ENTHD1: variants seen among roughly 807,000 people sequenced by gnomAD.
The protein encoded by ENTHD1 is ENTH domain-containing protein 1.
In ENTHD1, 23 loss-of-function variants were observed where a neutral mutation model predicts 39.1. The observed-to-expected ratio is 0.59, with a 90% confidence interval of 0.42 to 0.83. The LOEUF (loss-of-function observed/expected upper bound fraction) is 0.83, where lower values mean the gene tolerates loss of function less well. ENTHD1 is among the 40% of genes least tolerant of loss of function. ENTHD1 has a pLI of 0.00. For synonymous variants in ENTHD1, 230 were observed against 258.2 expected, an observed-to-expected ratio of 0.89 and a Z score of 1.05; for missense variants, 624 against 705.4, an observed-to-expected ratio of 0.88 and a Z score of 1.31.
In ENTHD1 at chr22:39,764,777, TTTTG is replaced by T. The variant is rs2065261644; in HGVS notation, c.1219+442_1219+445del. Reference sequence around the variant, plus strand: ...TAAAAAAGACAAGATCCCCTGCCCCTTTTGTGCAATCAGTACACAGCCCTTTTTA... The same window carrying T: ...TAAAAAAGACAAGATCCCCTGCCCCTTGCAATCAGTACACAGCCCTTTTTA... On this transcript the variant is annotated intron_variant, in intron 6 of 6. Coordinates refer to ENST00000325157, the MANE Select transcript of ENTHD1 (RefSeq NM_152512.4). Among the ~76,000 whole-genome samples, 3 of 151,512 alleles carry T rather than the reference TTTTG, an allele frequency of 2.0e-5. No individual in the cohort carries two copies. In the South Asian group the frequency reaches 6.2e-4, roughly 31 times the overall value.
chr22:39,765,176 T>G (rs1004418549), intron 6 of ENTHD1, 47 bp downstream of exon 6: 25 of 1,402,930 alleles, frequency 1.8e-5, no homozygotes, highest in Middle Eastern at 1.9e-4. Context: ...AGGTTTTTTG[T>G]TGTGTGTGTG....
At chr22:39,785,179 T>C (rs1341515728) in intron 5 of ENTHD1, among the ~76,000 whole-genome samples, 1 of 152,098 alleles carries the variant, frequency 6.6e-6, no homozygotes, top group Non-Finnish European at 1.5e-5. Flanking sequence ...CTCAAAGAGA[T>C]AGAAAATATG....
chr22:39,829,790 C>CAATAAATAAATAAATAAATAAATAAATA (rs10657076), intron 4 of ENTHD1, among the ~76,000 whole-genome samples: 1 of 143,332 alleles, frequency 7.0e-6, no homozygotes, highest in South Asian at 2.3e-4. Flanking sequence ...GACTCTGTCT[C>CAATAAATAAATAAATAAATAAATAAATA]AATAAATAAA....
intron 5 of ENTHD1, among the ~76,000 whole-genome samples, chr22:39,789,951 A>C (rs1468726111): frequency 3.9e-5 from 6 of 151,922 alleles, no homozygotes; most frequent in Non-Finnish European, 8.8e-5. Context: ...TGAGAGAGAA[A>C]ATCATGTGGA....
At chr22:39,779,525 A>G (rs1451858880) in intron 5 of ENTHD1, among the ~76,000 whole-genome samples, 1 of 152,064 alleles carries the variant, frequency 6.6e-6, no homozygotes. Flanking sequence ...GGAGTTATTT[A>G]GTCTGAAAGA....
chr22:39,828,847 T>C (rs1185407924), intron 4 of ENTHD1, among the ~76,000 whole-genome samples: 4 of 152,212 alleles, frequency 2.6e-5, no homozygotes, highest in Non-Finnish European at 4.4e-5. Context: ...TTAAAGTCTT[T>C]CCTTAGTTTC....
At chr22:39,865,228 C>T (rs2066173564) in intron 2 of ENTHD1, among the ~76,000 whole-genome samples, 2 of 151,964 alleles carry the variant, frequency 1.3e-5, no homozygotes, top group African/African-American at 4.8e-5. Context: ...AGGACTTCTC[C>T]CCAGATCATC....
At chr22:39,835,678 G>A (rs879856376) in intron 4 of ENTHD1, among the ~76,000 whole-genome samples, 162 bp downstream of exon 4, 6 of 152,104 alleles carry the variant, frequency 3.9e-5, no homozygotes, top group Non-Finnish European at 5.9e-5. Context: ...CACATCATCC[G>A]CTAGGGCCTC....
At chr22:39,879,514 A>G (rs1257098611) in intron 2 of ENTHD1, among the ~76,000 whole-genome samples, 3 of 150,806 alleles carry the variant, frequency 2.0e-5, no homozygotes, top group Non-Finnish European at 4.4e-5. Flanking sequence ...AAGTAAGCAT[A>G]TGAAAGATCC....
At chr22:39,862,382 T>C (rs1353763061) in intron 2 of ENTHD1, among the ~76,000 whole-genome samples, 1 of 151,718 alleles carries the variant, frequency 6.6e-6, no homozygotes, top group East Asian at 1.9e-4. Context: ...ACCTTGTCTC[T>C]ACTAAAATAC....
chr22:39,749,094 C>T (rs2065129033), intron 6 of ENTHD1, among the ~76,000 whole-genome samples: 1 of 152,128 alleles, frequency 6.6e-6, no homozygotes. Flanking sequence ...GATGCTTTTG[C>T]TTATAAAAAG....
At chr22:39,846,271 G>A (rs1323693532) in intron 3 of ENTHD1, among the ~76,000 whole-genome samples, 2 of 152,166 alleles carry the variant, frequency 1.3e-5, no homozygotes, top group African/African-American at 2.4e-5. Context: ...CGTGATCACA[G>A]CTCACTGCAG....
At chr22:39,837,856 A>G (rs1333261959) in intron 3 of ENTHD1, among the ~76,000 whole-genome samples, 1 of 152,244 alleles carries the variant, frequency 6.6e-6, no homozygotes, top group East Asian at 1.9e-4. Flanking sequence ...ATCTTAGGAA[A>G]GGATTCAGGA....
At chr22:39,850,779 C>A (rs2066029545) in intron 3 of ENTHD1, among the ~76,000 whole-genome samples, 1 of 152,138 alleles carries the variant, frequency 6.6e-6, no homozygotes, top group Admixed American at 6.5e-5. Flanking sequence ...CTTAAAAACA[C>A]AAGGACCTTT....
chr22:39,871,597 C>T (rs879451357), intron 2 of ENTHD1, among the ~76,000 whole-genome samples: 2 of 152,286 alleles, frequency 1.3e-5, no homozygotes, highest in Non-Finnish European at 2.9e-5. Context: ...ACTGAAAGGG[C>T]TAAACTGGTT....
At chr22:39,749,124 C>T (rs1308900736) in intron 6 of ENTHD1, among the ~76,000 whole-genome samples, 8 of 152,124 alleles carry the variant, frequency 5.3e-5, no homozygotes, top group African/African-American at 1.7e-4. Flanking sequence ...CTATAATTGC[C>T]GCATACCAAT....
intron 6 of ENTHD1, among the ~76,000 whole-genome samples, chr22:39,747,706 T>C (rs2065116315): frequency 6.6e-6 from 1 of 152,076 alleles, no homozygotes; most frequent in South Asian, 2.1e-4. Flanking sequence ...AAAACCTTAA[T>C]AATAATACCT....
At chr22:39,830,326 C>T (rs1393042166) in intron 4 of ENTHD1, among the ~76,000 whole-genome samples, 3 of 152,122 alleles carry the variant, frequency 2.0e-5, no homozygotes, top group Non-Finnish European at 2.9e-5. Flanking sequence ...CCGTCCACCT[C>T]GGCCTCCCAA....
chr22:39,746,716 G>C (rs1267187432), intron 6 of ENTHD1, among the ~76,000 whole-genome samples: 1 of 152,160 alleles, frequency 6.6e-6, no homozygotes, highest in Non-Finnish European at 1.5e-5. Flanking sequence ...AGAGGGTAAA[G>C]GTCTAGCTAC....
Sources: allele counts gnomAD v4.1 joint callset (sites outside exome capture counted in the v4.1 genomes callset), GRCh38; gene constraint gnomAD v4.1.1; transcripts MANE v1.5; gene names NCBI Gene and HGNC (gene_info 2026-07-23, HGNC 2026-07-21).